ATRN: variants seen among roughly 807,000 people sequenced by gnomAD.
ATRN encodes attractin.
ATRN carries 54 observed loss-of-function variants against 178.7 expected under a neutral mutation model. The ratio of observed to expected loss-of-function variants is 0.30; its 90% CI spans 0.24 to 0.38. The LOEUF is 0.38. ATRN is among the 10% of genes least tolerant of loss of function. The pLI is 1.00. For missense variants in ATRN, 1,443 were observed against 1,815.1 expected (o/e 0.79, Z 3.73); for synonymous variants, 636 against 663.0 (o/e 0.96, Z 0.63).
chr20:3,616,468 G>C lies in ATRN; in HGVS notation c.3802-8043G>C, dbSNP rs184926100. On this transcript the variant is annotated intron_variant, in intron 24 of 28. Coordinates refer to ENST00000262919, the MANE Select transcript of ATRN (RefSeq NM_139321.3). ...CCAAGTTAAGAGAGATCACACCAGAGCTGATTCCTAAGGAGCATGGGGGCG... is the reference window on the plus strand; with the variant it reads ...CCAAGTTAAGAGAGATCACACCAGACCTGATTCCTAAGGAGCATGGGGGCG... Among the ~76,000 whole-genome samples the C allele has an allele frequency of 4.9e-3, 736 of 151,702 alleles. 4 individuals carry two copies. Among genetic ancestry groups the C allele is most frequent in the African/African-American group, 0.017 (713 of 41,306 alleles).
At chr20:3,491,558 C>T (rs1430331060) in intron 1 of ATRN, among the ~76,000 whole-genome samples, 2 of 152,190 alleles carry the variant, frequency 1.3e-5, no homozygotes, top group African/African-American at 4.8e-5. Context: ...TGCACTCAAT[C>T]GTCTTCTGTA....
intron 6 of ATRN, among the ~76,000 whole-genome samples, chr20:3,553,246 CA>C (rs2085814732): frequency 6.6e-6 from 1 of 152,004 alleles, no homozygotes; most frequent in Non-Finnish European, 1.5e-5. Context: ...ACATATTTAC[CA>C]TTATGTGATT....
At chr20:3,628,120 C>T (rs867171747) in intron 25 of ATRN, among the ~76,000 whole-genome samples, 1 of 152,114 alleles carries the variant, frequency 6.6e-6, no homozygotes, top group Non-Finnish European at 1.5e-5. Context: ...TGCTGTGAGC[C>T]GAGATCGCGC....
At chr20:3,489,469 G>GA (rs2084750667) in intron 1 of ATRN, 1 of 962,892 alleles carries the variant, frequency 1.0e-6, no homozygotes, top group African/African-American at 1.6e-5. Context: ...GGGAGAAATA[G>GA]AAAAAACAGA....
intron 22 of ATRN, among the ~76,000 whole-genome samples, 187 bp from the exon 23 acceptor site, chr20:3,600,759 T>C (rs2086596994): frequency 6.6e-6 from 1 of 152,194 alleles, no homozygotes; most frequent in Non-Finnish European, 1.5e-5. Context: ...AATAAAATTT[T>C]ATTGGCATAT....
At chr20:3,549,733 C>G (rs1342584306) in intron 6 of ATRN, among the ~76,000 whole-genome samples, 1 of 152,160 alleles carries the variant, frequency 6.6e-6, no homozygotes, top group Non-Finnish European at 1.5e-5. Flanking sequence ...GGTCTATTTG[C>G]TAATCTCGTG....
chr20:3,584,512 A>G (rs2086328632), intron 17 of ATRN, 135 bp from the exon 18 acceptor site: 2 of 698,738 alleles, frequency 2.9e-6, no homozygotes, highest in Non-Finnish European at 4.7e-6. Context: ...CTTTACATTC[A>G]TTATCTCTTT....
At chr20:3,474,854 A>G (rs1316931308) in intron 1 of ATRN, among the ~76,000 whole-genome samples, 1 of 151,264 alleles carries the variant, frequency 6.6e-6, no homozygotes, top group Non-Finnish European at 1.5e-5. Flanking sequence ...AACATAGTGA[A>G]TCCCCGTCTC....
chr20:3,596,533 C>CTT, intron 21 of ATRN, 104 bp downstream of exon 21: 3 of 1,060,120 alleles, frequency 2.8e-6, no homozygotes, highest in Non-Finnish European at 4.3e-6. Context: ...CTATAGCAGC[C>CTT]ACCAATGAAG....
intron 1 of ATRN, among the ~76,000 whole-genome samples, chr20:3,497,117 T>C (rs573586557): frequency 6.6e-6 from 1 of 150,400 alleles, no homozygotes. Context: ...CTTTATCCAA[T>C]TTGCCAGTCT....
intron 12 of ATRN, among the ~76,000 whole-genome samples, chr20:3,574,261 C>T (rs1347763179): frequency 6.6e-6 from 1 of 152,192 alleles, no homozygotes; most frequent in African/African-American, 2.4e-5. Flanking sequence ...CCGGTAATCC[C>T]AGCACTTTGG....
Position 3,638,288 on chromosome 20 carries a change from C to T in ATRN, c.3943-540C>T, listed in dbSNP as rs1290913371. ...CCTAATGCTCTCCCTCCCCTTGCTCCCCACCCCTGACAGGCCCCAGTGTGT... is the reference window on the plus strand; with the variant it reads ...CCTAATGCTCTCCCTCCCCTTGCTCTCCACCCCTGACAGGCCCCAGTGTGT... On this transcript the variant is annotated intron_variant, in intron 26 of 28. Transcript: ENST00000262919. This position sits in a 1 kb window ranked among gnomAD's most constrained non-coding sequence, Gnocchi z 4.5. Among the ~76,000 whole-genome samples, 1 of 152,038 alleles carries T rather than the reference C, an allele frequency of 6.6e-6. No individual in the cohort carries two copies. Among genetic ancestry groups the T allele is most frequent in the Non-Finnish European group, 1.5e-5 (1 of 68,018 alleles).
In ATRN at chr20:3,535,279, C is replaced by T. The variant is rs2085511859; in HGVS notation, c.437C>T (p.Thr146Ile). Residue 146 changes from threonine (T) to isoleucine (I), a missense_variant, in exon 2 of 29, where the codon ACA (threonine) becomes ATA (isoleucine). This residue lies in a region of ATRN where 862 missense variants were observed against 972.1 expected (regional missense o/e 0.89). Coordinates refer to ENST00000262919, the MANE Select transcript of ATRN (RefSeq NM_139321.3). ...CTAACTGGATCTTCTGGGTTTGTGA[C>T]AGATGGACCTGGAAATTATAAATAC... is the stretch of plus-strand genomic sequence containing the variant. ...FRLTGSSGFV[T>I]DGPGNYKYKT... 2.6e-6 allele frequency: 4 copies of T among 1,539,656 alleles called. No individual in the cohort carries two copies. Among genetic ancestry groups the T allele is most frequent in the Non-Finnish European group, 1.8e-6 (2 of 1,135,440 alleles).
rs182951416 is a variant in ATRN, at chr20:3,566,679, C to T, written c.1871+1247C>T. On this transcript the variant is annotated intron_variant, in intron 11 of 28. Coordinates refer to ENST00000262919, the MANE Select transcript of ATRN (RefSeq NM_139321.3). The stretch of plus-strand genomic sequence containing the variant: ...AGCACTTTGGGAGGCCGAGGAGGGC[C>T]GATCACTTGAGCCCAGGAGTTCCAG... 2.5e-3 allele frequency among the ~76,000 whole-genome samples: 377 copies of T among 151,846 alleles called. 2 individuals are homozygous for T. The highest frequency in any genetic ancestry group is 8.8e-3 in the African/African-American group (364 of 41,412).
At chr20:3,505,897 G>A (rs751143977) in intron 1 of ATRN, among the ~76,000 whole-genome samples, 2 of 152,196 alleles carry the variant, frequency 1.3e-5, no homozygotes. Context: ...ATGATAAAAT[G>A]CTACATTAAG....
chr20:3,576,733 C>T (rs1226108684), intron 13 of ATRN, 126 bp from the exon 14 acceptor site: 2 of 771,016 alleles, frequency 2.6e-6, no homozygotes, highest in Non-Finnish European at 4.3e-6. Context: ...ATCTATCTAT[C>T]TGTCTATCTA....
intron 24 of ATRN, among the ~76,000 whole-genome samples, chr20:3,617,647 C>T (rs866727435): frequency 5.9e-5 from 9 of 151,834 alleles, no homozygotes; most frequent in Non-Finnish European, 1.0e-4. Flanking sequence ...AGTGAGACCC[C>T]CATCCCTACT....
chr20:3,487,333 A>G (rs1283211756), intron 1 of ATRN, among the ~76,000 whole-genome samples: 2 of 152,074 alleles, frequency 1.3e-5, no homozygotes, highest in East Asian at 1.9e-4. Context: ...TCCCAGGTTT[A>G]AGCAGTTCTC....
intron 1 of ATRN, among the ~76,000 whole-genome samples, chr20:3,508,206 T>C (rs1183888150): frequency 1.3e-5 from 2 of 150,272 alleles, no homozygotes; most frequent in South Asian, 2.1e-4. Flanking sequence ...TATTTTCTTA[T>C]TAAAAAAAAA....
Sources: gnomAD v4.1 joint callset for allele counts (sites outside exome capture counted in the v4.1 genomes callset) on GRCh38, gnomAD v4.1.1 for gene constraint, gnomAD v4.1.1 regional missense constraint, Gnocchi (gnomAD v3.1) non-coding constraint, MANE v1.5 for transcripts, NCBI Gene and HGNC (gene_info 2026-07-23, HGNC 2026-07-21) for gene names.